The following NBR1 variants were observed in gnomAD, a reference collection of about 807,000 sequenced individuals.
NBR1 encodes next to BRCA1 gene 1 protein.
Under a neutral mutation model 115.5 loss-of-function variants are expected in NBR1, and 59 were observed. The observed-to-expected ratio is 0.51, with a 90% CI of 0.41 to 0.63. NBR1 has a LOEUF of 0.63. Among genes scored for constraint, NBR1 ranks in the 30% least tolerant of loss-of-function variants. The pLI, the probability that NBR1 is intolerant of heterozygous loss-of-function variation, is 0.00. For synonymous variants in NBR1, 373 were observed against 414.7 expected (o/e 0.90, Z 1.22); for missense variants, 1,043 against 1,150.5 (o/e 0.91, Z 1.35).
chr17:43,209,886 C>CT lies in NBR1; in HGVS notation c.2728-13dup. 7.1e-7 allele frequency: 1 copy of CT among 1,400,974 alleles called. No individual in the cohort carries two copies. The highest frequency in any genetic ancestry group is 1.6e-5 in the South Asian group (1 of 62,928). The allele number at this position is 1,400,974 out of a possible 1,614,324, so 86.8% of individuals were successfully genotyped here. ...AATTTTTTTTTTTTTTTTTGCTTTGCTTGTCTCTACACAGCCAATAATTTC... is the reference window on the plus strand; with the variant it reads ...AATTTTTTTTTTTTTTTTTGCTTTGCTTTGTCTCTACACAGCCAATAATTTC... On this transcript the variant is annotated splice_polypyrimidine_tract_variant and intron_variant, in intron 20 of 20. Coordinates refer to ENST00000590996, the MANE Select transcript of NBR1 (RefSeq NM_005899.5).
At chr17:43,191,302 C>A in intron 9 of NBR1, 70 bp from the exon 10 acceptor site, 1 of 1,109,192 alleles carries the variant, frequency 9.0e-7, no homozygotes, top group Non-Finnish European at 1.3e-6. Flanking sequence ...ATGGAAATTG[C>A]AATTGGCTCC....
In NBR1 at chr17:43,202,703, A is replaced by G; in HGVS notation, c.2612A>G (p.Asp871Gly). Residue 871 changes from aspartate to glycine, a missense_variant, in exon 19 of 21, where the codon GAC becomes GGC. Transcript: ENST00000590996. ...GLVNSRQKSY[D>G]HSRHHHGSSI... ...GTAAACAGCAGACAGAAGAGCTATGACCACTCAAGGTAACAACCTTGTGCA... is the reference window on the plus strand; with the variant it reads ...GTAAACAGCAGACAGAAGAGCTATGGCCACTCAAGGTAACAACCTTGTGCA... 6.4e-7 allele frequency: 1 copy of G among 1,573,316 alleles called. No homozygotes were observed. Among genetic ancestry groups the G allele is most frequent in the Non-Finnish European group, 8.6e-7 (1 of 1,157,874 alleles).
Position 43,210,176 on chromosome 17 carries a change from A to G in NBR1, c.*102A>G. 8.5e-7 allele frequency: 1 copy of G among 1,176,662 alleles called. No homozygotes were observed. The highest frequency in any genetic ancestry group is 1.2e-6 in the Non-Finnish European group (1 of 845,200). 72.9% of individuals were successfully genotyped at this position (1,176,662 alleles called of 1,614,324 possible). ...CCCTTGCTTATTTTTAATCTGATGA[A>G]TCTGTATAGAGCCCATCGTTGAGTT... is the stretch of plus-strand genomic sequence containing the variant. On this transcript the variant is annotated 3_prime_UTR_variant, in exon 21 of 21. Coordinates refer to ENST00000590996, the MANE Select transcript of NBR1 (RefSeq NM_005899.5).
Position 43,190,886 on chromosome 17 carries a change from A to G in NBR1, c.863+110A>G, listed in dbSNP as rs1044662597. 90 of 1,055,640 alleles carry G rather than the reference A, an allele frequency of 8.5e-5. 1 individual carries two copies. The highest frequency in any genetic ancestry group is 7.0e-4 in the Admixed American group (23 of 32,774). 65.4% of individuals were successfully genotyped at this position (1,055,640 alleles called of 1,614,324 possible). A position where few individuals can be genotyped will look rare whatever the true frequency, so the allele number is the denominator to read the frequency against. Reference sequence around the variant, plus strand: ...GTCTCCTTAGTTCTGCTCATTTTCAATTGATGTGCAATAATGAAGACAGTT... The same window carrying G: ...GTCTCCTTAGTTCTGCTCATTTTCAGTTGATGTGCAATAATGAAGACAGTT... On this transcript the variant is annotated intron_variant, in intron 9 of 20. Transcript: ENST00000590996.
intron 20 of NBR1, among the ~76,000 whole-genome samples, chr17:43,209,303 C>T (rs2057373118): frequency 6.6e-6 from 1 of 151,920 alleles, no homozygotes; most frequent in Non-Finnish European, 1.5e-5. Flanking sequence ...GTCTCAATCT[C>T]CTGACCTCAT....
chr17:43,205,583 C>T (rs768959449), intron 20 of NBR1, among the ~76,000 whole-genome samples: 21 of 151,770 alleles, frequency 1.4e-4, no homozygotes, highest in East Asian at 3.9e-4. Context: ...AGGAGTAAGA[C>T]GAAAAAAGAC....
chr17:43,179,472 C>T, intron 4 of NBR1, 60 bp downstream of exon 4: 3 of 1,462,234 alleles, frequency 2.1e-6, no homozygotes, highest in South Asian at 1.2e-5. Context: ...CTCATTGAGG[C>T]ATTTCTATTT....
At position 43,200,244 on chromosome 17, in the gene NBR1, A is replaced by C; in HGVS notation, c.2104A>C (p.Met702Leu). 6.4e-7 allele frequency: 1 copy of C among 1,551,888 alleles called. No homozygotes were observed. Among genetic ancestry groups the C allele is most frequent in the Admixed American group, 2.0e-5 (1 of 50,998 alleles). ...CCATATCGCTGAGGAAGAAGCTGTC[A>C]TGGAGGAGGAGGAGGATGAGGAGGA... Reference protein sequence around the residue: ...IIHIAEEEAVMEEEEDEEDEE... With the variant: ...IIHIAEEEAVLEEEEDEEDEE... The change falls in exon 17 of 21, where the codon ATG becomes CTG. Residue 702 changes from methionine to leucine, a missense_variant. Met to Leu is a conservative substitution (Grantham distance 15, BLOSUM62 2). Coordinates refer to ENST00000590996, the MANE Select transcript of NBR1 (RefSeq NM_005899.5).
chr17:43,196,436 T>C (rs775388715), intron 14 of NBR1, 45 bp from the exon 15 acceptor site: 2 of 1,196,896 alleles, frequency 1.7e-6, no homozygotes, highest in Non-Finnish European at 2.3e-6. Context: ...GTTGATGATA[T>C]GATGCTTTCT....
intron 4 of NBR1, 46 bp from the exon 5 acceptor site, chr17:43,180,749 G>T (rs1227217204): frequency 7.1e-7 from 1 of 1,413,276 alleles, no homozygotes; most frequent in South Asian, 1.6e-5. Flanking sequence ...AGAATCTTTT[G>T]GGGTGTGTGA....
In NBR1 at chr17:43,191,364, T is replaced by A. The variant is rs1326671527; in HGVS notation, c.864-8T>A. ...TTTCTTTTAAGACTTGCTTTTATTA[T>A]CTCACAGGCTCCAGAAACAGGTTGA... is the stretch of plus-strand genomic sequence containing the variant. On this transcript the variant is annotated splice_region_variant and splice_polypyrimidine_tract_variant and intron_variant, in intron 9 of 20. Coordinates refer to ENST00000590996, the MANE Select transcript of NBR1 (RefSeq NM_005899.5). The A allele has an allele frequency of 6.2e-7, 1 of 1,601,698 alleles. No individual in the cohort carries two copies. Among genetic ancestry groups the A allele is most frequent in the Non-Finnish European group, 8.5e-7 (1 of 1,171,736 alleles).
At chr17:43,175,935 T>G in intron 2 of NBR1, 34 bp downstream of exon 2, 1 of 1,217,238 alleles carries the variant, frequency 8.2e-7, no homozygotes, top group Non-Finnish European at 1.2e-6. Flanking sequence ...CTCCTTGGTT[T>G]AAGCATGGTT....
In NBR1 at chr17:43,191,483, C is replaced by T. The variant is rs747711475; in HGVS notation, c.975C>T (p.Leu325=). 14 of 1,612,982 alleles carry T rather than the reference C, an allele frequency of 8.7e-6. No individual in the cohort carries two copies. The East Asian group carries it at 2.5e-4, about 28-fold the overall frequency. ...AGGAACTTAAAAAGCAGCTTAAACTCCATAGGAAAATTCACCTGTGGAATT... is the reference window on the plus strand; with the variant it reads ...AGGAACTTAAAAAGCAGCTTAAACTTCATAGGAAAATTCACCTGTGGAATT... The part of the protein sequence containing the change: ...EVKELKKQLK[L]HRKIHLWNSI... The change falls in exon 10 of 21, where the codon CTC becomes CTT. Residue 325 remains leucine, a synonymous_variant. Transcript: ENST00000590996.
chr17:43,171,071 C>G (rs1391311829), upstream of NBR1: 2 of 152,652 alleles, frequency 1.3e-5, no homozygotes, highest in African/African-American at 4.8e-5. Flanking sequence ...TGTTCGGGTT[C>G]AGGTTGCTTC....
intron 17 of NBR1, among the ~76,000 whole-genome samples, chr17:43,200,895 G>T (rs1176616382): frequency 2.0e-5 from 3 of 148,570 alleles, no homozygotes; most frequent in Non-Finnish European, 4.5e-5. Context: ...TTGAGACAGG[G>T]TCTCAGTCTG....
chr17:43,190,914 C>T (rs2056929793), intron 9 of NBR1, 138 bp downstream of exon 9: 1 of 861,948 alleles, frequency 1.2e-6, no homozygotes, highest in Non-Finnish European at 1.7e-6. Context: ...AGACAGTTAT[C>T]CAAAGTTAGT....
At position 43,200,205 on chromosome 17, in the gene NBR1, A is replaced by G. The variant is rs759788036; in HGVS notation, c.2065A>G (p.Lys689Glu). The part of the protein sequence containing the change: ...ALPEGPLGNE[K>E]EEIIHIAEEE... ...GCCTGAAGGACCACTTGGAAATGAG[A>G]AGGAGGAGATTATCCATATCGCTGA... The change falls in exon 17 of 21, where the codon AAG (lysine) becomes GAG (glutamate). Residue 689 changes from lysine to glutamate, a missense_variant. By Grantham distance (56) the Lys-to-Glu change is moderately conservative. Transcript: ENST00000590996. 25 of 1,550,434 alleles carry G rather than the reference A, an allele frequency of 1.6e-5. No homozygotes were observed. In the Middle Eastern group the frequency reaches 8.3e-4, roughly 52 times the overall value.
chr17:43,182,240 CAG>C lies in NBR1; in HGVS notation c.207+1426_207+1427del, dbSNP rs1304720664. The stretch of plus-strand genomic sequence containing the variant: ...TTTTTTTTTTTTTTTTTTTTTGAGA[CAG>C]AGTCTCACTCTGTCGCTCAGGCTGG... On this transcript the variant is annotated intron_variant, in intron 5 of 20. Coordinates refer to ENST00000590996, the MANE Select transcript of NBR1 (RefSeq NM_005899.5). 6.7e-4 allele frequency among the ~76,000 whole-genome samples: 66 copies of C among 98,414 alleles called. 1 individual carries two copies. Among genetic ancestry groups the C allele is most frequent in the Middle Eastern group, 0.011 (1 of 88 alleles). The allele number at this position is 98,414 out of a possible 152,430, so 64.6% of individuals were successfully genotyped here.
chr17:43,200,345 C>T lies in NBR1; in HGVS notation c.2205C>T (p.Ile735=). Residue 735 remains isoleucine (I), a synonymous_variant, in exon 17 of 21, where the codon ATC becomes ATT. Coordinates refer to ENST00000590996, the MANE Select transcript of NBR1 (RefSeq NM_005899.5). The part of the protein sequence containing the change: ...SSASSEDYII[I]LPECFDTSRP... The stretch of plus-strand genomic sequence containing the variant: ...CTTCCTCAGAGGATTACATCATCAT[C>T]CTGCCTGAGTGCTTTGATACCAGCC... 1 of 1,555,020 alleles carries T rather than the reference C, an allele frequency of 6.4e-7. No individual in the cohort carries two copies. The highest frequency in any genetic ancestry group is 8.7e-7 in the Non-Finnish European group (1 of 1,148,896).
Sources: gnomAD v4.1 joint callset for allele counts (sites outside exome capture counted in the v4.1 genomes callset) on GRCh38, gnomAD v4.1.1 for gene constraint, MANE v1.5 for transcripts, NCBI Gene and HGNC (gene_info 2026-07-23, HGNC 2026-07-21) for gene names.